Variants in RPA3 observed in about 807,000 individuals in gnomAD.
RPA3 encodes the protein replication protein A3.
Under a neutral mutation model 13.7 loss-of-function variants are expected in RPA3, and 24 were observed. The ratio of observed to expected loss-of-function variants is 1.75; its 90% CI spans 1.27 to 2.46. The LOEUF (loss-of-function observed/expected upper bound fraction) is 2.46, where lower values mean the gene tolerates loss of function less well. RPA3 is among the 30% of genes most tolerant of loss of function. The pLI is 0.00. For missense variants in RPA3, 183 were observed against 151.0 expected, an observed-to-expected ratio of 1.21 and a Z score of -1.11; for synonymous variants, 59 against 51.2, an observed-to-expected ratio of 1.15 and a Z score of -0.65.
At chr7:7,641,246 C>G (rs1332962955) in intron 4 of RPA3, 71 bp from the exon 5 acceptor site, 1 of 152,228 alleles carries the variant, frequency 6.6e-6, no homozygotes, top group Non-Finnish European at 1.5e-5. Context: ...ACTGCGGAGG[C>G]GCCGGTTCTT....
At chr7:7,679,700 A>T (rs13309848) in intron 4 of RPA3, among the ~76,000 whole-genome samples, 3 of 129,730 alleles carry the variant, frequency 2.3e-5, no homozygotes, top group Non-Finnish European at 4.6e-5. Flanking sequence ...TATATATTTA[A>T]TTTATAGATA....
intron 4 of RPA3, among the ~76,000 whole-genome samples, chr7:7,658,205 T>A (rs931559009): frequency 7.2e-5 from 11 of 152,224 alleles, no homozygotes; most frequent in Non-Finnish European, 1.2e-4. Flanking sequence ...TTAAGGAGAT[T>A]TTGGGCTGAG....
At chr7:7,677,747 CA>C in intron 4 of RPA3, among the ~76,000 whole-genome samples, 1 of 144,112 alleles carries the variant, frequency 6.9e-6, no homozygotes, top group Non-Finnish European at 1.5e-5. Flanking sequence ...GATCTCGGCT[CA>C]CTGCAAGCTC....
Position 7,666,853 on chromosome 7 carries a change from T to A in RPA3, c.-758+18977A>T, listed in dbSNP as rs145412187. Among the ~76,000 whole-genome samples the A allele has an allele frequency of 4.5e-3, 685 of 152,320 alleles. 2 individuals carry two copies. Among genetic ancestry groups the A allele is most frequent in the African/African-American group, 0.015 (638 of 41,576 alleles). ...GAAGTTTCACTCTTGTTGCCCAGGC[T>A]GGAGTGCAATGGTGGGGTCTCAGCT... On this transcript the variant is annotated intron_variant, in intron 4 of 7. Transcript: ENST00000223129.
intron 2 of RPA3, among the ~76,000 whole-genome samples, chr7:7,691,623 T>C (rs1329166117): frequency 6.6e-6 from 1 of 152,230 alleles, no homozygotes; most frequent in Non-Finnish European, 1.5e-5. Flanking sequence ...AGATTCTCTA[T>C]CCAGTGACTG....
At chr7:7,712,015 T>G (rs1382909902) in intron 2 of RPA3, among the ~76,000 whole-genome samples, 1 of 152,128 alleles carries the variant, frequency 6.6e-6, no homozygotes, top group South Asian at 2.1e-4. Flanking sequence ...TTCATCTTCT[T>G]TTCTTCACGT....
intron 2 of RPA3, among the ~76,000 whole-genome samples, chr7:7,702,696 A>G (rs1780490230): frequency 6.6e-6 from 1 of 152,236 alleles, no homozygotes; most frequent in Non-Finnish European, 1.5e-5. Context: ...ATTGAATCTT[A>G]CTTTTCCACT....
intron 4 of RPA3, among the ~76,000 whole-genome samples, chr7:7,662,132 G>A (rs551132972): frequency 1.3e-5 from 2 of 152,232 alleles, no homozygotes; most frequent in South Asian, 4.1e-4. Flanking sequence ...GCCCACTCAA[G>A]CCTCAGTAAT....
In RPA3 at chr7:7,636,915, C is replaced by G. The variant is rs541750154; in HGVS notation, c.*85G>C. 1.0e-6 allele frequency: 1 copy of G among 988,386 alleles called. No individual in the cohort carries two copies. Among genetic ancestry groups the G allele is most frequent in the African/African-American group, 1.6e-5 (1 of 61,034 alleles). 61.2% of individuals were successfully genotyped at this position (988,386 alleles called of 1,614,324 possible). A position where few individuals can be genotyped will look rare whatever the true frequency, so the allele number is the denominator to read the frequency against. On this transcript the variant is annotated 3_prime_UTR_variant, in exon 8 of 8. Transcript: ENST00000223129. Reference sequence around the variant, plus strand: ...ACAGCAAATTAAATATGAGAAAGCACAGAAATCTCTCCCTCAAACAAGAAG... The same window carrying G: ...ACAGCAAATTAAATATGAGAAAGCAGAGAAATCTCTCCCTCAAACAAGAAG...
intron 4 of RPA3, among the ~76,000 whole-genome samples, chr7:7,682,953 AC>A (rs1373647368): frequency 6.6e-6 from 1 of 152,194 alleles, no homozygotes; most frequent in Non-Finnish European, 1.5e-5. Flanking sequence ...ATTCTGGTTT[AC>A]CTGTTAATCT....
chr7:7,704,754 G>A (rs1270166269), intron 2 of RPA3, among the ~76,000 whole-genome samples: 2 of 106,818 alleles, frequency 1.9e-5, no homozygotes, highest in Non-Finnish European at 3.4e-5. Flanking sequence ...GTGACAGAGC[G>A]AGACTCCATC....
chr7:7,638,171 C>G, intron 6 of RPA3, 199 bp from the exon 7 acceptor site: 1 of 461,148 alleles, frequency 2.2e-6, no homozygotes, highest in Non-Finnish European at 3.9e-6. Flanking sequence ...ATTCCTGCTA[C>G]CTTTAGCAGT....
At chr7:7,673,328 CA>C (rs2115108336) in intron 4 of RPA3, 2 of 1,160,286 alleles carry the variant, frequency 1.7e-6, no homozygotes, top group Non-Finnish European at 2.5e-6. Flanking sequence ...GCAGCAGCAG[CA>C]GCAGCAGCAG....
At chr7:7,644,655 A>T (rs1001666080) in intron 4 of RPA3, among the ~76,000 whole-genome samples, 4 of 152,054 alleles carry the variant, frequency 2.6e-5, no homozygotes, top group African/African-American at 9.7e-5. Context: ...TTCACTTGTC[A>T]CCTTAAGTTT....
intron 2 of RPA3, among the ~76,000 whole-genome samples, chr7:7,714,890 G>C (rs1211712815): frequency 7.6e-6 from 1 of 131,738 alleles, no homozygotes; most frequent in African/African-American, 2.9e-5. Flanking sequence ...AGTAACACTT[G>C]CAGACCTGTT....
At chr7:7,638,153 A>G (rs1250755031) in intron 6 of RPA3, 181 bp from the exon 7 acceptor site, 10 of 441,354 alleles carry the variant, frequency 2.3e-5, no homozygotes, top group South Asian at 1.4e-4. Flanking sequence ...AACTGTCAGC[A>G]TGTTAAAATT....
chr7:7,700,650 G>A (rs1583751890), intron 2 of RPA3, among the ~76,000 whole-genome samples: 1 of 152,240 alleles, frequency 6.6e-6, no homozygotes, highest in Admixed American at 6.5e-5. Context: ...TACTTTGGGA[G>A]GCCTAGGTGA....
At chr7:7,716,772 C>T (rs928834273) in intron 1 of RPA3, among the ~76,000 whole-genome samples, 4 of 152,152 alleles carry the variant, frequency 2.6e-5, no homozygotes, top group East Asian at 3.9e-4. Context: ...GGTGAAACCC[C>T]GTCTCTACTA....
At chr7:7,672,540 G>C (rs533366862) in intron 4 of RPA3, among the ~76,000 whole-genome samples, 1 of 152,112 alleles carries the variant, frequency 6.6e-6, no homozygotes. Flanking sequence ...CCCATGTGTC[G>C]AGGGCAGGAC....
Sources: allele counts gnomAD v4.1 joint callset (sites outside exome capture counted in the v4.1 genomes callset), GRCh38; gene constraint gnomAD v4.1.1; transcripts MANE v1.5; gene names NCBI Gene and HGNC (gene_info 2026-07-23, HGNC 2026-07-21).